The following HINT2 variants were observed in gnomAD, a reference collection of about 807,000 sequenced individuals.
HINT2 encodes histidine triad nucleotide binding protein 2, also known as adenosine 5'-monophosphoramidase HINT2.
A neutral mutation model predicts 20.0 loss-of-function variants in HINT2; 17 were observed. That is an observed-to-expected ratio of 0.85 (90% CI 0.58 to 1.27). HINT2 has a LOEUF of 1.27. Among genes scored for constraint, HINT2 ranks in the 50% most tolerant of loss-of-function variants. The pLI is 0.00. For synonymous variants in HINT2, 96 were observed against 84.2 expected (o/e 1.14, Z -0.77); for missense variants, 217 against 211.9 (o/e 1.02, Z -0.15).
rs1564001502 is a variant in HINT2, at chr9:35,813,302, C to CTGTCT, written c.359_363dup (p.Ala122ArgfsTer15). ...CCATCTCCCAGGCCCTCAGCCTTTG[C>CTGTCT]TGTCTGCTTGGCCACAAGGAGTAGG... is the stretch of plus-strand genomic sequence containing the variant. On this transcript the variant is annotated frameshift_variant, in exon 4 of 5. Transcript: ENST00000259667. LOFTEE classifies it high-confidence loss of function. 3.1e-6 allele frequency: 5 copies of CTGTCT among 1,614,050 alleles called. No homozygotes were observed. Among genetic ancestry groups the CTGTCT allele is most frequent in the Non-Finnish European group, 4.2e-6 (5 of 1,180,024 alleles).
chr9:35,813,797 C>G lies in HINT2; in HGVS notation c.82-13G>C. 6.2e-7 allele frequency: 1 copy of G among 1,604,146 alleles called. No homozygotes were observed. The highest frequency in any genetic ancestry group is 8.5e-7 in the Non-Finnish European group (1 of 1,173,794). On this transcript the variant is annotated splice_polypyrimidine_tract_variant and intron_variant, in intron 1 of 4. Transcript: ENST00000259667. ...CAGCTCCTCGGACCTGAAGGTGGAT[C>G]GACCATATTCAAAGGAGGGAGCTGG...
intron 1 of HINT2, chr9:35,814,031 T>C: frequency 4.1e-6 from 2 of 489,306 alleles, no homozygotes; most frequent in Non-Finnish European, 7.3e-6. Context: ...AATATAGCAC[T>C]GTTTAGGGAA....
intron 3 of HINT2, 51 bp downstream of exon 3, chr9:35,813,394 A>G (rs1316392483): frequency 6.2e-7 from 1 of 1,608,468 alleles, no homozygotes; most frequent in Non-Finnish European, 8.5e-7. Context: ...CAAGACCTCT[A>G]GCTGGGTCCA....
chr9:35,814,866 G>A (rs1828979365), intron 1 of HINT2, 33 bp downstream of exon 1: 2 of 1,472,398 alleles, frequency 1.4e-6, no homozygotes, highest in Admixed American at 2.4e-5. Flanking sequence ...GGAGCCCGCA[G>A]GACCCCCTAC....
intron 1 of HINT2, chr9:35,814,002 C>A: frequency 1.8e-6 from 1 of 571,316 alleles, no homozygotes; most frequent in Non-Finnish European, 3.1e-6. Context: ...GCAATTGATT[C>A]CTGCTCATGT....
At chr9:35,813,193 A>G in intron 4 of HINT2, 48 bp from the exon 5 acceptor site, 1 of 1,612,578 alleles carries the variant, frequency 6.2e-7, no homozygotes, top group Non-Finnish European at 8.5e-7. Flanking sequence ...GCAGAGGTCG[A>G]AGAATGAAGA....
At chr9:35,814,791 G>C in intron 1 of HINT2, 108 bp downstream of exon 1, 1 of 972,850 alleles carries the variant, frequency 1.0e-6, no homozygotes, top group African/African-American at 1.7e-5. Context: ...GAGGGGCAGA[G>C]GCCACAGGCA....
chr9:35,813,671 T>C lies in HINT2; in HGVS notation c.195A>G (p.Pro65=), dbSNP rs778817978. The change falls in exon 2 of 5, where the codon CCA becomes CCG. Residue 65 remains proline (P), a synonymous_variant. Coordinates refer to ENST00000259667, the MANE Select transcript of HINT2 (RefSeq NM_032593.3). ...IFSRILDKSL[P]ADILYEDQQC... is the part of the protein sequence containing the mutation. ...GCTGGTCCTCATAGAGAATGTCAGC[T>C]GGGAGGCTCTTGTCCAGGATCCGGG... 1.9e-6 allele frequency: 3 copies of C among 1,614,192 alleles called. No homozygotes were observed. The highest frequency in any genetic ancestry group is 3.3e-5 in the Admixed American group (2 of 60,028).
chr9:35,814,878 C>T (rs1316490132), intron 1 of HINT2, 21 bp downstream of exon 1: 7 of 1,485,360 alleles, frequency 4.7e-6, no homozygotes, highest in Non-Finnish European at 5.3e-6. Context: ...ACCCCCTACT[C>T]GCTCCCGCGC....
At position 35,813,294 on chromosome 9, in the gene HINT2, A is replaced by C; in HGVS notation, c.372T>G (p.Ala124=). 3 of 1,614,216 alleles carry C rather than the reference A, an allele frequency of 1.9e-6. No individual in the cohort carries two copies. The highest frequency in any genetic ancestry group is 2.5e-6 in the Non-Finnish European group (3 of 1,180,038). Residue 124 remains alanine, a synonymous_variant, in exon 4 of 5, where the codon GCT becomes GCG. Coordinates refer to ENST00000259667, the MANE Select transcript of HINT2 (RefSeq NM_032593.3). ...GTCGGTATCCATCTCCCAGGCCCTCAGCCTTTGCTGTCTGCTTGGCCACAA... is the reference window on the plus strand; with the variant it reads ...GTCGGTATCCATCTCCCAGGCCCTCCGCCTTTGCTGTCTGCTTGGCCACAA... ...LLLVAKQTAK[A]EGLGDGYRLV... is the part of the protein sequence containing the mutation.
At position 35,813,162 on chromosome 9, in the gene HINT2, G is replaced by A. The variant is rs761923591; in HGVS notation, c.401-17C>T. 6.2e-7 allele frequency: 1 copy of A among 1,613,938 alleles called. No homozygotes were observed. Among genetic ancestry groups the A allele is most frequent in the Non-Finnish European group, 8.5e-7 (1 of 1,179,836 alleles). On this transcript the variant is annotated splice_polypyrimidine_tract_variant and intron_variant, in intron 4 of 4. Transcript: ENST00000259667. ...CGTTGATCACTGAAATTGAGCTTGG[G>A]GTTAGGGAGTCAGGATCATGGCAGA...
intron 1 of HINT2, 168 bp from the exon 2 acceptor site, chr9:35,813,952 G>T: frequency 1.5e-6 from 1 of 680,208 alleles, no homozygotes; most frequent in Non-Finnish European, 2.4e-6. Flanking sequence ...TGCTGGACCT[G>T]GTTAGATAAC....
chr9:35,815,109 C>A, upstream of HINT2: 1 of 828,006 alleles, frequency 1.2e-6, no homozygotes, highest in Non-Finnish European at 1.7e-6. Flanking sequence ...CATTGGAGCG[C>A]GCCTCTGAGC....
In HINT2 at chr9:35,813,550, C is replaced by A; in HGVS notation, c.223-1G>T. On this transcript the variant is annotated splice_acceptor_variant, in intron 2 of 4. Coordinates refer to ENST00000259667, the MANE Select transcript of HINT2 (RefSeq NM_032593.3). LOFTEE classifies it high-confidence loss of function. Reference sequence around the variant, plus strand: ...GGGCCACATCACGGAACACAAGACACTGGGGGAAGTGACAGGCCAGAGGCC... The same window carrying A: ...GGGCCACATCACGGAACACAAGACAATGGGGGAAGTGACAGGCCAGAGGCC... 6.2e-7 allele frequency: 1 copy of A among 1,614,142 alleles called. No homozygotes were observed. Among genetic ancestry groups the A allele is most frequent in the Non-Finnish European group, 8.5e-7 (1 of 1,180,004 alleles).
upstream of HINT2, chr9:35,815,084 C>T (rs981386779): frequency 1.6e-5 from 17 of 1,060,616 alleles, no homozygotes; most frequent in African/African-American, 2.9e-4. Context: ...GGCGGCCGGG[C>T]GAGCCCTGCT....
chr9:35,813,195 G>A, intron 4 of HINT2, 50 bp from the exon 5 acceptor site: 1 of 1,611,898 alleles, frequency 6.2e-7, no homozygotes, highest in Non-Finnish European at 8.5e-7. Flanking sequence ...AGAGGTCGAA[G>A]AATGAAGATC....
intron 1 of HINT2, 190 bp downstream of exon 1, chr9:35,814,709 G>C: frequency 1.8e-6 from 1 of 542,526 alleles, no homozygotes; most frequent in African/African-American, 2.0e-5. Flanking sequence ...GCGCAGGGCG[G>C]GAATCAGCAC....
rs1220975453 is a variant in HINT2, at chr9:35,813,534, C to A, written c.238G>T (p.Asp80Tyr). 1.9e-6 allele frequency: 3 copies of A among 1,614,162 alleles called. No individual in the cohort carries two copies. The Admixed American group carries it at 5.0e-5, about 27-fold the overall frequency. The change falls in exon 3 of 5, where the codon GAT becomes TAT. Residue 80 changes from aspartate to tyrosine, a missense_variant. Physicochemically the swap from Asp to Tyr is radical, Grantham distance 160 (BLOSUM62 -3). Coordinates refer to ENST00000259667, the MANE Select transcript of HINT2 (RefSeq NM_032593.3). ...TGCACAGGAGCCTGAGGGGCCACATCACGGAACACAAGACACTGGGGGAAG... is the reference window on the plus strand; with the variant it reads ...TGCACAGGAGCCTGAGGGGCCACATAACGGAACACAAGACACTGGGGGAAG... ...YEDQQCLVFRDVAPQAPVHFL... is the reference protein window; with the variant it reads ...YEDQQCLVFRYVAPQAPVHFL...
In HINT2 at chr9:35,814,959, C is replaced by T. The variant is rs375867774; in HGVS notation, c.21G>A (p.Leu7=). The change falls in exon 1 of 5, where the codon CTG becomes CTA. Residue 7 remains leucine, a synonymous_variant. Coordinates refer to ENST00000259667, the MANE Select transcript of HINT2 (RefSeq NM_032593.3). The stretch of plus-strand genomic sequence containing the variant: ...TGCGCGCCGCGCGCAACCCAGCAGC[C>T]AGCACCACGGCTGCCGCCATCTTCC... The part of the protein sequence containing the change: MAAAVV[L]AAGLRAARRA... The T allele has an allele frequency of 6.3e-5, 93 of 1,478,704 alleles. No homozygotes were observed. In the African/African-American group the frequency reaches 1.2e-3, roughly 18 times the overall value. The allele number at this position is 1,478,704 out of a possible 1,614,324, so 91.6% of individuals were successfully genotyped here.
Sources: allele counts gnomAD v4.1 joint callset, GRCh38; gene constraint gnomAD v4.1.1; transcripts MANE v1.5; gene names NCBI Gene and HGNC (gene_info 2026-07-23, HGNC 2026-07-21).